The following ENTREP2 variants were observed in gnomAD, a reference collection of about 807,000 sequenced individuals.
ENTREP2 encodes endosomal transmembrane epsin interactor 2, also known as protein ENTREP2.
the ENTREP2 span, among the ~76,000 whole-genome samples, chr15:29,303,206 C>T: frequency 3.3e-5 from 5 of 152,312 alleles, no homozygotes; most frequent in Admixed American, 3.3e-4. Flanking sequence ...GGCATAGCTG[C>T]TGAAAAGGTG....
At chr15:29,560,900 G>A in the ENTREP2 span, among the ~76,000 whole-genome samples, 2 of 127,940 alleles carry the variant, frequency 1.6e-5, no homozygotes, top group African/African-American at 6.0e-5. Flanking sequence ...AATCTGGCCT[G>A]CTGCTTTTGC....
At chr15:29,293,243 G>T in the ENTREP2 span, among the ~76,000 whole-genome samples, 7 of 152,058 alleles carry the variant, frequency 4.6e-5, no homozygotes, top group Non-Finnish European at 1.0e-4. Flanking sequence ...AAACAAAAAG[G>T]GGAATTTATT....
chr15:29,480,981 G>A, the ENTREP2 span, among the ~76,000 whole-genome samples: 3 of 152,162 alleles, frequency 2.0e-5, no homozygotes, highest in Non-Finnish European at 2.9e-5. Context: ...CTGAGTCAGC[G>A]AGGGAAAGTC....
At chr15:29,262,750 C>T in the ENTREP2 span, among the ~76,000 whole-genome samples, 3 of 152,344 alleles carry the variant, frequency 2.0e-5, no homozygotes, top group African/African-American at 7.2e-5. Flanking sequence ...ATCATCAGAA[C>T]CCCAACTTGA....
the ENTREP2 span, among the ~76,000 whole-genome samples, chr15:29,134,008 G>A: frequency 6.6e-6 from 1 of 152,060 alleles, no homozygotes; most frequent in Non-Finnish European, 1.5e-5. Flanking sequence ...CACCTCGCAT[G>A]CCTGATGCCC....
At chr15:29,488,542 A>G in the ENTREP2 span, among the ~76,000 whole-genome samples, 56 of 152,364 alleles carry the variant, frequency 3.7e-4, no homozygotes, top group African/African-American at 1.3e-3. Flanking sequence ...CTGATAAAAG[A>G]TACAAATCTA....
the ENTREP2 span, among the ~76,000 whole-genome samples, chr15:29,158,141 C>A: frequency 0.6 from 90,929 of 152,138 alleles, 27,376 homozygotes; most frequent in East Asian, 0.71. Context: ...TGCCTTTCTA[C>A]AAATAATATT....
chr15:29,160,708 C>CA, the ENTREP2 span, among the ~76,000 whole-genome samples: 2,293 of 36,036 alleles, frequency 0.064, 299 homozygotes, highest in African/African-American at 0.13. Context: ...GACTCTGTCT[C>CA]AAAAAAAAAA....
the ENTREP2 span, chr15:29,124,602 G>T: frequency 2.5e-6 from 3 of 1,191,230 alleles, no homozygotes; most frequent in East Asian, 7.7e-5. Context: ...GCTGCATTTG[G>T]AAACAATGTA....
At chr15:29,374,983 A>T in the ENTREP2 span, 1 of 151,912 alleles carries the variant, frequency 6.6e-6, no homozygotes, top group Admixed American at 6.6e-5. Flanking sequence ...AATTTTAATA[A>T]CTGTAATCTT....
the ENTREP2 span, among the ~76,000 whole-genome samples, chr15:29,299,863 T>C: frequency 6.6e-6 from 1 of 150,616 alleles, no homozygotes; most frequent in African/African-American, 2.5e-5. Flanking sequence ...GGTAGGTAGA[T>C]GGATGAGTAG....
the ENTREP2 span, among the ~76,000 whole-genome samples, chr15:29,282,355 C>A: frequency 6.6e-6 from 1 of 152,160 alleles, no homozygotes; most frequent in African/African-American, 2.4e-5. Context: ...TGTGGGGCCT[C>A]CCCAGCCACG....
chr15:29,529,607 A>G, the ENTREP2 span, among the ~76,000 whole-genome samples: 1 of 152,142 alleles, frequency 6.6e-6, no homozygotes, highest in Non-Finnish European at 1.5e-5. Flanking sequence ...TGCAGGAATC[A>G]GCTAGCCTGG....
At chr15:29,387,969 C>G in the ENTREP2 span, among the ~76,000 whole-genome samples, 1 of 152,150 alleles carries the variant, frequency 6.6e-6, no homozygotes, top group Non-Finnish European at 1.5e-5. Flanking sequence ...AAAATTAATT[C>G]AAGATGGATT....
chr15:29,557,525 C>G, the ENTREP2 span, among the ~76,000 whole-genome samples: 3 of 152,160 alleles, frequency 2.0e-5, no homozygotes, highest in Admixed American at 2.0e-4. Flanking sequence ...AGAGCCCATT[C>G]AAGAGACCGC....
the ENTREP2 span, among the ~76,000 whole-genome samples, chr15:29,204,609 C>A: frequency 6.6e-6 from 1 of 152,082 alleles, no homozygotes; most frequent in South Asian, 2.1e-4. Context: ...AGCCATGTGA[C>A]CTCTCTGGGC....
chr15:29,175,601 A>G, the ENTREP2 span, among the ~76,000 whole-genome samples: 7 of 152,248 alleles, frequency 4.6e-5, no homozygotes, highest in East Asian at 1.9e-4. Flanking sequence ...ATGTTTGTCC[A>G]TCTCTCTTTT....
chr15:29,459,587 A>G, the ENTREP2 span, among the ~76,000 whole-genome samples: 1 of 151,974 alleles, frequency 6.6e-6, no homozygotes, highest in South Asian at 2.1e-4. Flanking sequence ...ATTATCCCTA[A>G]CTCCCTCAGA....
the ENTREP2 span, among the ~76,000 whole-genome samples, chr15:29,545,141 G>C: frequency 3.9e-5 from 6 of 152,216 alleles, no homozygotes; most frequent in African/African-American, 1.4e-4. Flanking sequence ...TGGTGAGACT[G>C]ACTCACACAC....
Sources: gnomAD v4.1 joint callset for allele counts (sites outside exome capture counted in the v4.1 genomes callset) on GRCh38, gnomAD v4.1.1 for gene constraint, MANE v1.5 for transcripts, NCBI Gene and HGNC (gene_info 2026-07-23, HGNC 2026-07-21) for gene names.